Variants in KCNC2 observed in about 807,000 individuals in gnomAD.
The protein encoded by KCNC2 is voltage-gated potassium channel KCNC2.
KCNC2 carries 21 observed loss-of-function variants against 44.5 expected under a neutral mutation model. The observed-to-expected ratio is 0.47, with a 90% CI of 0.33 to 0.68. The LOEUF (loss-of-function observed/expected upper bound fraction) is 0.68. KCNC2 is among the 30% of genes least tolerant of loss of function. KCNC2 has a pLI of 0.01. For missense variants in KCNC2, 589 were observed against 826.2 expected, an observed-to-expected ratio of 0.71 and a Z score of 3.52; for synonymous variants, 391 against 339.1, an observed-to-expected ratio of 1.15 and a Z score of -1.68.
chr12:75,176,682 C>T (rs540137353), intron 2 of KCNC2, among the ~76,000 whole-genome samples: 1 of 151,962 alleles, frequency 6.6e-6, no homozygotes, highest in African/African-American at 2.4e-5. Flanking sequence ...ACATGTCTGC[C>T]ACCTAAGCTT....
intron 2 of KCNC2, among the ~76,000 whole-genome samples, chr12:75,173,671 A>G (rs1028770458): frequency 3.3e-5 from 5 of 151,888 alleles, no homozygotes; most frequent in Admixed American, 2.0e-4. Context: ...ATTAGGATTT[A>G]GAGGGTAAAA....
chr12:75,084,270 T>TAGAC (rs1491469538), intron 2 of KCNC2, among the ~76,000 whole-genome samples: 1 of 4,026 alleles, frequency 2.5e-4, no homozygotes, highest in Non-Finnish European at 6.5e-4. Flanking sequence ...ATAGATAGAT[T>TAGAC]AGATAGATAG....
chr12:75,078,175 A>C (rs994664173), intron 2 of KCNC2, among the ~76,000 whole-genome samples: 1 of 152,178 alleles, frequency 6.6e-6, no homozygotes, highest in African/African-American at 2.4e-5. Flanking sequence ...CACCATAACT[A>C]TAAATAAGTG....
intron 2 of KCNC2, among the ~76,000 whole-genome samples, chr12:75,192,706 G>C (rs982099493): frequency 6.6e-6 from 1 of 152,146 alleles, no homozygotes; most frequent in African/African-American, 2.4e-5. Flanking sequence ...AGTGGGAAAA[G>C]AAGGTGAGCT....
chr12:75,049,760 G>C (rs926010897), intron 3 of KCNC2, among the ~76,000 whole-genome samples: 8 of 151,938 alleles, frequency 5.3e-5, no homozygotes, highest in African/African-American at 1.9e-4. Flanking sequence ...ACATGGCATG[G>C]ACCCTCATCA....
At chr12:75,102,216 C>T (rs748513257) in intron 2 of KCNC2, among the ~76,000 whole-genome samples, 16 of 151,908 alleles carry the variant, frequency 1.1e-4, no homozygotes, top group Non-Finnish European at 2.2e-4. Context: ...TTTAAACAGA[C>T]ATATTTCTAT....
Position 75,041,095 on chromosome 12 carries a change from C to G in KCNC2, c.*2010G>C, listed in dbSNP as rs755505361. 9 of 1,595,690 alleles carry G rather than the reference C, an allele frequency of 5.6e-6. No individual in the cohort carries two copies. The South Asian group carries it at 9.9e-5, about 18-fold the overall frequency. On this transcript the variant is annotated 3_prime_UTR_variant, in exon 5 of 5. Coordinates refer to ENST00000549446, the MANE Select transcript of KCNC2 (RefSeq NM_139137.4). Reference sequence around the variant, plus strand: ...ATCTCTTCCAAGTGCAACCTGGTCACATCAGGGCACATTCAGCAGCAGAAG... The same window carrying G: ...ATCTCTTCCAAGTGCAACCTGGTCAGATCAGGGCACATTCAGCAGCAGAAG...
intron 2 of KCNC2, among the ~76,000 whole-genome samples, chr12:75,127,487 A>G (rs1888515969): frequency 6.6e-6 from 1 of 152,174 alleles, no homozygotes; most frequent in Non-Finnish European, 1.5e-5. Flanking sequence ...AGGGAAGGGA[A>G]CTAGTTTGAT....
chr12:75,162,230 A>T (rs950960259), intron 2 of KCNC2, among the ~76,000 whole-genome samples: 4 of 151,808 alleles, frequency 2.6e-5, no homozygotes, highest in African/African-American at 9.7e-5. Flanking sequence ...TAGTATAAAC[A>T]TCTTCCTAAA....
intron 2 of KCNC2, among the ~76,000 whole-genome samples, chr12:75,095,079 T>C (rs1885809401): frequency 6.6e-6 from 1 of 151,906 alleles, no homozygotes; most frequent in South Asian, 2.1e-4. Flanking sequence ...ATTGAAATAC[T>C]GAAGGATGAA....
rs556684099 is a variant in KCNC2, at chr12:75,043,529, G to A, written c.1781-288C>T. ...TATAATTTTGGCATATAGAATACTAGAACTCATTTAAAAATTAGGCAAAGC... is the reference window on the plus strand; with the variant it reads ...TATAATTTTGGCATATAGAATACTAAAACTCATTTAAAAATTAGGCAAAGC... On this transcript the variant is annotated intron_variant, in intron 4 of 4. Transcript: ENST00000549446. 1.9e-5 allele frequency: 23 copies of A among 1,210,562 alleles called. No individual in the cohort carries two copies. In the African/African-American group the frequency reaches 3.1e-4, roughly 16 times the overall value. 75.0% of individuals were successfully genotyped at this position (1,210,562 alleles called of 1,614,324 possible).
chr12:75,201,262 G>GA (rs1313998973), intron 2 of KCNC2, among the ~76,000 whole-genome samples: 361 of 18,434 alleles, frequency 0.02, 90 homozygotes, highest in East Asian at 0.055. Context: ...AACGAAATTG[G>GA]AAAAAAAAAA....
At chr12:75,086,699 T>TATATATATATATATATATATAC (rs1339170718) in intron 2 of KCNC2, among the ~76,000 whole-genome samples, 2 of 138,912 alleles carry the variant, frequency 1.4e-5, no homozygotes, top group African/African-American at 2.8e-5. Flanking sequence ...TATATATATA[T>TATATATATATATATATATATAC]ACACACACAT....
intron 2 of KCNC2, among the ~76,000 whole-genome samples, chr12:75,152,965 A>G (rs1212263238): frequency 6.6e-6 from 1 of 152,032 alleles, no homozygotes; most frequent in Non-Finnish European, 1.5e-5. Context: ...ATTCACCCAA[A>G]ATGACTGGGT....
intron 2 of KCNC2, among the ~76,000 whole-genome samples, chr12:75,190,359 C>T (rs1466677039): frequency 6.6e-6 from 1 of 152,152 alleles, no homozygotes. Flanking sequence ...CACCCCTTAT[C>T]TCCTTTGGCT....
intron 2 of KCNC2, among the ~76,000 whole-genome samples, chr12:75,153,163 T>TAAG (rs1346934836): frequency 2.6e-5 from 4 of 152,002 alleles, no homozygotes; most frequent in Non-Finnish European, 4.4e-5. Flanking sequence ...AATAATAGAA[T>TAAG]AAGAGATGGC....
chr12:75,163,874 C>T (rs1429146193), intron 2 of KCNC2, among the ~76,000 whole-genome samples: 1 of 151,538 alleles, frequency 6.6e-6, no homozygotes, highest in African/African-American at 2.4e-5. Flanking sequence ...GGTCTGTGAC[C>T]CATTTCGAAA....
At chr12:75,086,668 A>AT (rs1885028385) in intron 2 of KCNC2, among the ~76,000 whole-genome samples, 1 of 76,114 alleles carries the variant, frequency 1.3e-5, no homozygotes, top group African/African-American at 3.9e-5. Context: ...GGCAAAAAAA[A>AT]AAAAAAAAAA....
At chr12:75,059,679 A>G (rs1882113607) in intron 2 of KCNC2, among the ~76,000 whole-genome samples, 1 of 152,120 alleles carries the variant, frequency 6.6e-6, no homozygotes, top group Admixed American at 6.6e-5. Context: ...AGGACAAACT[A>G]GTGATTCTAT....
Sources: gnomAD v4.1 joint callset for allele counts (sites outside exome capture counted in the v4.1 genomes callset) on GRCh38, gnomAD v4.1.1 for gene constraint, MANE v1.5 for transcripts, NCBI Gene and HGNC (gene_info 2026-07-23, HGNC 2026-07-21) for gene names.